Variants in IQGAP1 observed in about 807,000 individuals in gnomAD.
The protein encoded by IQGAP1 is IQ motif containing GTPase activating protein 1.
IQGAP1 carries 66 observed loss-of-function variants against 215.6 expected under a neutral mutation model. The ratio of observed to expected loss-of-function variants is 0.31; its 90% confidence interval spans 0.25 to 0.38. The LOEUF (loss-of-function observed/expected upper bound fraction) is 0.38. Among genes scored for constraint, IQGAP1 ranks in the 10% least tolerant of loss-of-function variants. The pLI is 1.00. For synonymous variants in IQGAP1, 772 were observed against 728.7 expected (o/e 1.06, Z -0.96); for missense variants, 1,712 against 1,997.1 (o/e 0.86, Z 2.72).
chr15:90,412,829 G>A (rs1964986652), intron 2 of IQGAP1, among the ~76,000 whole-genome samples: 1 of 152,166 alleles, frequency 6.6e-6, no homozygotes, highest in African/African-American at 2.4e-5. Flanking sequence ...CAGAGGAGCT[G>A]TTCCTGGAGG....
intron 30 of IQGAP1, among the ~76,000 whole-genome samples, 188 bp from the exon 31 acceptor site, chr15:90,485,842 A>G (rs778066423): frequency 2.6e-5 from 4 of 152,226 alleles, no homozygotes; most frequent in Non-Finnish European, 5.9e-5. Flanking sequence ...GTCATTCAAC[A>G]GAGCCTGGTG....
chr15:90,462,600 T>C (rs1965778613), intron 15 of IQGAP1, among the ~76,000 whole-genome samples: 1 of 152,212 alleles, frequency 6.6e-6, no homozygotes, highest in South Asian at 2.1e-4. Flanking sequence ...GTAAAGTCTT[T>C]TTAAAAAGTT....
rs762149916 is a variant in IQGAP1 at position 90,441,465 on chromosome 15, T to A, written c.650-41T>A. ...TATACATCCTGTAATCTATATAATC[T>A]CAGTGTTTTTGTTGGTTTGTTTTTT... On this transcript the variant is annotated intron_variant, in intron 7 of 37. Coordinates refer to ENST00000268182, the MANE Select transcript of IQGAP1 (RefSeq NM_003870.4). The A allele has an allele frequency of 3.3e-6, 5 of 1,531,928 alleles. No homozygotes were observed. In the Admixed American group the frequency reaches 9.0e-5, roughly 28 times the overall value. The allele number at this position is 1,531,928 out of a possible 1,614,324, so 94.9% of individuals were successfully genotyped here. A position where few individuals can be genotyped will look rare whatever the true frequency, so the allele number is the denominator to read the frequency against.
chr15:90,389,954 CAAAAAA>C (rs5814431), intron 1 of IQGAP1, among the ~76,000 whole-genome samples: 4 of 125,190 alleles, frequency 3.2e-5, no homozygotes, highest in African/African-American at 8.4e-5. Context: ...GACCCTGTCT[CAAAAAA>C]AAAAAAAAAA....
At chr15:90,449,994 T>C (rs749794100) in intron 11 of IQGAP1, among the ~76,000 whole-genome samples, 2 of 152,250 alleles carry the variant, frequency 1.3e-5, no homozygotes, top group Non-Finnish European at 2.9e-5. Flanking sequence ...CATTTATCTT[T>C]TGTTGATGTT....
chr15:90,404,591 C>A (rs1041859730), intron 2 of IQGAP1, among the ~76,000 whole-genome samples: 1 of 151,958 alleles, frequency 6.6e-6, no homozygotes, highest in Non-Finnish European at 1.5e-5. Context: ...AATATTCATT[C>A]CACTTTGTCC....
chr15:90,422,634 A>G (rs180989349), intron 2 of IQGAP1, among the ~76,000 whole-genome samples: 1,867 of 90,132 alleles, frequency 0.021, 62 homozygotes, highest in East Asian at 0.049. Flanking sequence ...ATGTATATAT[A>G]TATATGTATA....
chr15:90,448,784 C>G, intron 10 of IQGAP1, 48 bp downstream of exon 10: 1 of 1,366,644 alleles, frequency 7.3e-7, no homozygotes, highest in African/African-American at 1.5e-5. Flanking sequence ...TATATCCATT[C>G]GAATCCCATG....
chr15:90,417,788 A>G (rs1394576398), intron 2 of IQGAP1, among the ~76,000 whole-genome samples: 1 of 152,186 alleles, frequency 6.6e-6, no homozygotes, highest in Non-Finnish European at 1.5e-5. Flanking sequence ...CATTAAATCT[A>G]TAAATTACCT....
chr15:90,405,474 G>A (rs969517035), intron 2 of IQGAP1, among the ~76,000 whole-genome samples: 1 of 152,192 alleles, frequency 6.6e-6, no homozygotes, highest in East Asian at 1.9e-4. Flanking sequence ...TTTATTCTTT[G>A]TGTAAAGGAG....
intron 2 of IQGAP1, among the ~76,000 whole-genome samples, chr15:90,414,515 C>G (rs573021084): frequency 1.3e-5 from 2 of 152,228 alleles, no homozygotes; most frequent in Admixed American, 6.5e-5. Flanking sequence ...CACCACCCGC[C>G]TCTCTGCAGC....
At chr15:90,440,692 C>A in intron 7 of IQGAP1, 77 bp downstream of exon 7, 1 of 882,646 alleles carries the variant, frequency 1.1e-6, no homozygotes, top group Non-Finnish European at 1.8e-6. Flanking sequence ...TAGTGATGAT[C>A]TAGGACATTA....
intron 26 of IQGAP1, 28 bp downstream of exon 26, chr15:90,477,917 T>C (rs761802424): frequency 7.2e-7 from 1 of 1,394,552 alleles, no homozygotes. Context: ...ACACTTTTCT[T>C]TCATGTTGTT....
At chr15:90,460,515 C>A (rs748636585) in intron 15 of IQGAP1, among the ~76,000 whole-genome samples, 2 of 152,074 alleles carry the variant, frequency 1.3e-5, no homozygotes, top group Non-Finnish European at 2.9e-5. Flanking sequence ...GACAGCCATG[C>A]GAGTGTGACC....
At chr15:90,422,622 A>G (rs2589955) in intron 2 of IQGAP1, among the ~76,000 whole-genome samples, 1,749 of 46,994 alleles carry the variant, frequency 0.037, 47 homozygotes, top group East Asian at 0.15. Flanking sequence ...ATATATATAT[A>G]TATGTATATA....
At position 90,456,262 on chromosome 15, in the gene IQGAP1, GT is replaced by G; in HGVS notation, c.1724del (p.Val575GlyfsTer9). 1 of 1,614,072 alleles carries G rather than the reference GT, an allele frequency of 6.2e-7. No individual in the cohort carries two copies. The highest frequency in any genetic ancestry group is 1.3e-5 in the African/African-American group (1 of 75,044). On this transcript the variant is annotated frameshift_variant, in exon 15 of 38. Transcript: ENST00000268182. LOFTEE classifies it high-confidence loss of function. ...TAAACTTGAGGGAGTCCTTGCAGAA[GT>G]GGCCCAGCATTACCAAGACACGCTG... ...AAKLEGVLAE[V>X]AQHYQDTLIR...
chr15:90,474,477 T>C lies in IQGAP1; in HGVS notation c.2576-8T>C, dbSNP rs185280752. 7.1e-5 allele frequency: 114 copies of C among 1,610,378 alleles called. No homozygotes were observed. In the Admixed American group the frequency reaches 8.0e-4, roughly 11 times the overall value. On this transcript the variant is annotated splice_polypyrimidine_tract_variant and splice_region_variant and intron_variant, in intron 22 of 37. Coordinates refer to ENST00000268182, the MANE Select transcript of IQGAP1 (RefSeq NM_003870.4). The stretch of plus-strand genomic sequence containing the variant: ...TAACTCCATTCTTTGATGCATACTT[T>C]CTGTCAGTCAATGCTGAGGATCCTC...
chr15:90,438,575 C>T (rs1021663484), intron 5 of IQGAP1, among the ~76,000 whole-genome samples: 1 of 152,058 alleles, frequency 6.6e-6, no homozygotes, highest in Admixed American at 6.6e-5. Flanking sequence ...TTAAACTTTT[C>T]CATCAGTAAT....
At chr15:90,393,119 AAAT>A (rs1299418328) in intron 2 of IQGAP1, among the ~76,000 whole-genome samples, 14 of 151,368 alleles carry the variant, frequency 9.2e-5, no homozygotes, top group African/African-American at 3.4e-4. Context: ...AAAAAAAAAA[AAAT>A]ACACCTATCT....
Sources: allele counts gnomAD v4.1 joint callset (sites outside exome capture counted in the v4.1 genomes callset), GRCh38; gene constraint gnomAD v4.1.1; transcripts MANE v1.5; gene names NCBI Gene and HGNC (gene_info 2026-07-23, HGNC 2026-07-21).